The following RSAD2 variants were observed in gnomAD, a reference collection of about 807,000 sequenced individuals.
RSAD2 encodes the protein S-adenosylmethionine-dependent nucleotide dehydratase RSAD2.
RSAD2 carries 38 observed loss-of-function variants against 37.7 expected under a neutral mutation model. That is an observed-to-expected ratio of 1.01 (90% confidence interval 0.78 to 1.32). RSAD2 has a LOEUF of 1.32. Among genes scored for constraint, RSAD2 ranks in the 40% most tolerant of loss-of-function variants. The pLI, the probability that RSAD2 is intolerant of heterozygous loss-of-function variation, is 0.00. For missense variants in RSAD2, 428 were observed against 437.5 expected, an observed-to-expected ratio of 0.98 and a Z score of 0.19; for synonymous variants, 163 against 157.4, an observed-to-expected ratio of 1.04 and a Z score of -0.27.
At chr2:6,890,779 A>G (rs1663614792) in intron 4 of RSAD2, among the ~76,000 whole-genome samples, 1 of 152,202 alleles carries the variant, frequency 6.6e-6, no homozygotes. Flanking sequence ...TGTAGAAGAA[A>G]TGTTTCCCAT....
In RSAD2 at chr2:6,897,062, T is replaced by G. The variant is rs1393747521; in HGVS notation, c.*1120T>G. ...AAGCCAAGTCACCATATCATATTTT[T>G]GAATGAACTCTGAGTCAGTTGAAAT... On this transcript the variant is annotated 3_prime_UTR_variant, in exon 6 of 6. Coordinates refer to ENST00000382040, the MANE Select transcript of RSAD2 (RefSeq NM_080657.5). 6.6e-6 allele frequency: 1 copy of G among 152,170 alleles called. No homozygotes were observed. The highest frequency in any genetic ancestry group is 2.4e-5 in the African/African-American group (1 of 41,430). 9.4% of individuals were successfully genotyped at this position (152,170 alleles called of 1,614,324 possible). A position where few individuals can be genotyped will look rare whatever the true frequency, so the allele number is the denominator to read the frequency against.
chr2:6,875,308 A>G (rs371564488), upstream of RSAD2, among the ~76,000 whole-genome samples: 47 of 152,310 alleles, frequency 3.1e-4, 1 homozygote, highest in South Asian at 9.1e-3. Flanking sequence ...TCTTCCCTCA[A>G]GCAAAACTAT....
chr2:6,871,527 T>G (rs533296044), intron 1 of RSAD2, among the ~76,000 whole-genome samples: 10 of 152,336 alleles, frequency 6.6e-5, no homozygotes, highest in African/African-American at 2.4e-4. Context: ...CACCCTCTTT[T>G]CTCTAAAATT....
rs757062181 is a variant in RSAD2 at position 6,890,298 on chromosome 2, C to G, written c.861C>G (p.Ser287=). ...TCTTGGAGCGCCACAAAGAAGTGTC[C>G]TGCTTGGTGCCTGAATCTAACCAGA... ...ERFLERHKEV[S]CLVPESNQKM... is the part of the protein sequence containing the mutation. Residue 287 remains serine (S), a synonymous_variant, in exon 4 of 6, where the codon TCC becomes TCG. Coordinates refer to ENST00000382040, the MANE Select transcript of RSAD2 (RefSeq NM_080657.5). 1.2e-6 allele frequency: 2 copies of G among 1,614,136 alleles called. No individual in the cohort carries two copies. Among genetic ancestry groups the G allele is most frequent in the Admixed American group, 3.3e-5 (2 of 60,028 alleles).
intron 4 of RSAD2, among the ~76,000 whole-genome samples, chr2:6,893,165 G>C (rs1572161657): frequency 6.6e-6 from 1 of 152,272 alleles, no homozygotes; most frequent in Admixed American, 6.5e-5. Context: ...CAACAGTGCA[G>C]GTACAGCTTC....
chr2:6,882,385 G>A (rs1304767605), intron 1 of RSAD2, among the ~76,000 whole-genome samples: 1 of 152,028 alleles, frequency 6.6e-6, no homozygotes, highest in Non-Finnish European at 1.5e-5. Context: ...AGCATCTGGG[G>A]AATGAAAAAT....
intron 3 of RSAD2, among the ~76,000 whole-genome samples, chr2:6,889,076 C>G (rs906583388): frequency 1.3e-5 from 2 of 152,228 alleles, no homozygotes; most frequent in African/African-American, 4.8e-5. Flanking sequence ...TTGCTTTTCT[C>G]CTGCAGAAGC....
chr2:6,878,650 T>A lies in RSAD2; in HGVS notation c.346+504T>A, dbSNP rs528381406. The stretch of plus-strand genomic sequence containing the variant: ...ATTCTTTTAATAGGAAACCTTAAAA[T>A]TTTTTTAACAAATATGTCAAGGACT... On this transcript the variant is annotated intron_variant, in intron 1 of 5. Transcript: ENST00000382040. 1.9e-3 allele frequency: 346 copies of A among 186,224 alleles called. 1 individual carries two copies. The highest frequency in any genetic ancestry group is 3.2e-3 in the Admixed American group (58 of 18,084). 11.5% of individuals were successfully genotyped at this position (186,224 alleles called of 1,614,324 possible).
Position 6,893,599 on chromosome 2 carries a change from C to T in RSAD2, c.889-72C>T, listed in dbSNP as rs910918622. 4.2e-6 allele frequency: 5 copies of T among 1,189,230 alleles called. No homozygotes were observed. In the African/African-American group the frequency reaches 7.5e-5, roughly 18 times the overall value. 73.7% of individuals were successfully genotyped at this position (1,189,230 alleles called of 1,614,324 possible). A position where few individuals can be genotyped will look rare whatever the true frequency, so the allele number is the denominator to read the frequency against. On this transcript the variant is annotated intron_variant, in intron 4 of 5. Coordinates refer to ENST00000382040, the MANE Select transcript of RSAD2 (RefSeq NM_080657.5). ...CCAAAACAATACAATGCAAACACTA[C>T]AGGTGGACAATTGAGCTCACATACT... is the stretch of plus-strand genomic sequence containing the variant.
At chr2:6,892,495 T>C (rs1271554992) in intron 4 of RSAD2, among the ~76,000 whole-genome samples, 1 of 152,238 alleles carries the variant, frequency 6.6e-6, no homozygotes, top group Non-Finnish European at 1.5e-5. Flanking sequence ...TTTTCACTAA[T>C]GCTTCATGAG....
At chr2:6,876,822 A>G (rs1051917676), upstream of RSAD2, 10 of 152,220 alleles carry the variant, frequency 6.6e-5, no homozygotes, top group Non-Finnish European at 1.5e-4. Context: ...ACTCTGCACA[A>G]AAATCGCCTG....
rs1663815960 is a variant in RSAD2, at chr2:6,898,013, A to C, written c.*2071A>C. The C allele has an allele frequency of 6.6e-6, 1 of 151,938 alleles. No individual in the cohort carries two copies. The highest frequency in any genetic ancestry group is 6.6e-5 in the Admixed American group (1 of 15,224). The allele number at this position is 151,938 out of a possible 1,614,324, so 9.4% of individuals were successfully genotyped here. A position where few individuals can be genotyped will look rare whatever the true frequency, so the allele number is the denominator to read the frequency against. ...CCGTCTCAAAAAAAAAAAAAAAAAA[A>C]AGCAAGAGAGTTCAACTAAGAAAGG... On this transcript the variant is annotated 3_prime_UTR_variant, in exon 6 of 6. Transcript: ENST00000382040.
Position 6,878,120 on chromosome 2 carries a change from G to C in RSAD2, c.320G>C (p.Arg107Thr), listed in dbSNP as rs751892211. The C allele has an allele frequency of 3.1e-6, 5 of 1,614,088 alleles. No homozygotes were observed. The highest frequency in any genetic ancestry group is 4.2e-6 in the Non-Finnish European group (5 of 1,179,990). Residue 107 changes from arginine (R) to threonine (T), a missense_variant, in exon 1 of 6, where the codon AGA becomes ACA. Coordinates refer to ENST00000382040, the MANE Select transcript of RSAD2 (RefSeq NM_080657.5). ...SFVLPLEEAK[R>T]GLLLLKEAGM... is the part of the protein sequence containing the mutation. ...GTGCTGCCCCTTGAGGAAGCAAAGA[G>C]AGGATTGCTTTTGCTTAAGGAAGCT...
chr2:6,886,818 A>G, intron 2 of RSAD2, 117 bp from the exon 3 acceptor site: 3 of 709,692 alleles, frequency 4.2e-6, no homozygotes, highest in Non-Finnish European at 7.0e-6. Context: ...TTGTGGGTAT[A>G]AGGAAAAGTG....
rs1291495107 is a variant in RSAD2, at chr2:6,897,649, A to T, written c.*1707A>T. The stretch of plus-strand genomic sequence containing the variant: ...GGGTTTTGATTGTGTCTAAGCTATG[A>T]TGACCTTCATATAATCAGCATAAAC... On this transcript the variant is annotated 3_prime_UTR_variant, in exon 6 of 6. Coordinates refer to ENST00000382040, the MANE Select transcript of RSAD2 (RefSeq NM_080657.5). 1.3e-5 allele frequency: 2 copies of T among 152,186 alleles called. No homozygotes were observed. The highest frequency in any genetic ancestry group is 2.9e-5 in the Non-Finnish European group (2 of 68,036). 9.4% of individuals were successfully genotyped at this position (152,186 alleles called of 1,614,324 possible).
intron 1 of RSAD2, chr2:6,878,750 C>T (rs4143154): frequency 0.99 from 919,424 of 929,590 alleles, 455,365 homozygotes; most frequent in East Asian, 1. Context: ...CAGCACGTGA[C>T]CTTCGAATGC....
rs4669113 is a variant in RSAD2 at position 6,896,398 on chromosome 2, T to C, written c.*456T>C. 0.089 allele frequency: 13,648 copies of C among 152,760 alleles called. 662 individuals are homozygous for C. Among genetic ancestry groups the C allele is most frequent in the South Asian group, 0.12 (578 of 4,836 alleles). The allele number at this position is 152,760 out of a possible 1,614,324, so 9.5% of individuals were successfully genotyped here. On this transcript the variant is annotated 3_prime_UTR_variant, in exon 6 of 6. Transcript: ENST00000382040. Reference sequence around the variant, plus strand: ...GTTTACTGCGATTTCTATATTTCCATTTTGAAACTATTTCTTGTTCCAGGT... The same window carrying C: ...GTTTACTGCGATTTCTATATTTCCACTTTGAAACTATTTCTTGTTCCAGGT...
At chr2:6,876,834 G>A (rs1342734522), upstream of RSAD2, 1 of 152,176 alleles carries the variant, frequency 6.6e-6, no homozygotes, top group Non-Finnish European at 1.5e-5. Context: ...AATCGCCTGA[G>A]ATACGTTGCT....
upstream of RSAD2, among the ~76,000 whole-genome samples, chr2:6,876,285 G>A: frequency 6.6e-6 from 1 of 152,072 alleles, no homozygotes; most frequent in East Asian, 1.9e-4. Flanking sequence ...TACAAGTCTT[G>A]ATCCTCCTTA....
Sources: allele counts gnomAD v4.1 joint callset (sites outside exome capture counted in the v4.1 genomes callset), GRCh38; gene constraint gnomAD v4.1.1; transcripts MANE v1.5; gene names NCBI Gene and HGNC (gene_info 2026-07-23, HGNC 2026-07-21).